The following MYO9A variants were observed in gnomAD, a reference collection of about 807,000 sequenced individuals.
MYO9A encodes the protein unconventional myosin-IXa.
In MYO9A, 103 loss-of-function variants were observed where a neutral mutation model predicts 293.3. The observed-to-expected ratio is 0.35, with a 90% CI of 0.30 to 0.41. MYO9A has a LOEUF of 0.41. Ranked by LOEUF, MYO9A falls within the 10% of genes least tolerant of loss-of-function variation. The pLI, the probability that MYO9A is intolerant of heterozygous loss-of-function variation, is 1.00. For synonymous variants in MYO9A, 1,001 were observed against 1,035.7 expected, an observed-to-expected ratio of 0.97 and a Z score of 0.64; for missense variants, 2,685 against 3,033.0, an observed-to-expected ratio of 0.89 and a Z score of 2.69.
chr15:71,975,431 G>T (rs2076117789), intron 12 of MYO9A, among the ~76,000 whole-genome samples: 4 of 149,282 alleles, frequency 2.7e-5, no homozygotes, highest in South Asian at 2.1e-4. Flanking sequence ...GTGTGTGTAG[G>T]TTTTCGTCCA....
At chr15:72,095,476 C>T (rs78540791) in intron 1 of MYO9A, among the ~76,000 whole-genome samples, 8,935 of 92,110 alleles carry the variant, frequency 0.097, 2,789 homozygotes, top group East Asian at 0.27. Flanking sequence ...GGAAAGAAGC[C>T]GCCTCCACAA....
chr15:71,838,973 G>C (rs545036379), intron 39 of MYO9A, among the ~76,000 whole-genome samples: 2 of 152,294 alleles, frequency 1.3e-5, no homozygotes, highest in East Asian at 1.9e-4. Flanking sequence ...TGTACAATGA[G>C]ATACTGGGAC....
intron 22 of MYO9A, 111 bp from the exon 23 acceptor site, chr15:71,901,451 G>A: frequency 9.0e-7 from 1 of 1,110,418 alleles, no homozygotes; most frequent in Middle Eastern, 2.3e-4. Context: ...CACAGTGGCA[G>A]GCATGTAAAT....
chr15:71,850,765 CAAAAAAAAAAAAAAAAAA>C (rs780727961), intron 37 of MYO9A, among the ~76,000 whole-genome samples: 73 of 44,126 alleles, frequency 1.7e-3, no homozygotes, highest in African/African-American at 5.2e-3. Flanking sequence ...AACTGTGTCT[CAAAAAAAAAAAAAAAAAA>C]AAAAAAAAAA....
At chr15:72,103,199 A>G (rs2080422626) in intron 1 of MYO9A, among the ~76,000 whole-genome samples, 1 of 141,484 alleles carries the variant, frequency 7.1e-6, no homozygotes, top group Non-Finnish European at 1.6e-5. Context: ...AAGTCTCAAG[A>G]AAAAAAAAAA....
intron 1 of MYO9A, among the ~76,000 whole-genome samples, chr15:72,097,933 T>A (rs936209693): frequency 1.3e-5 from 2 of 151,620 alleles, no homozygotes; most frequent in Non-Finnish European, 2.9e-5. Flanking sequence ...AAAATAAAAA[T>A]TTTTTTAAAA....
At chr15:71,864,175 GAA>G (rs2056244966) in intron 32 of MYO9A, among the ~76,000 whole-genome samples, 1 of 152,140 alleles carries the variant, frequency 6.6e-6, no homozygotes, top group African/African-American at 2.4e-5. Flanking sequence ...GCAAAATACT[GAA>G]GAGACAGCTC....
intron 1 of MYO9A, among the ~76,000 whole-genome samples, chr15:72,067,435 C>T (rs2079055132): frequency 1.3e-5 from 2 of 151,972 alleles, no homozygotes; most frequent in South Asian, 4.2e-4. Context: ...AGGTGCCTGC[C>T]CACACCTGGC....
At chr15:71,893,631 T>C in intron 26 of MYO9A, 48 bp downstream of exon 26, 1 of 1,423,088 alleles carries the variant, frequency 7.0e-7, no homozygotes, top group Non-Finnish European at 9.9e-7. Flanking sequence ...CAAAATAATG[T>C]ACATCTCTTT....
intron 10 of MYO9A, among the ~76,000 whole-genome samples, chr15:71,992,669 A>C (rs1338594361): frequency 2.0e-5 from 3 of 152,264 alleles, no homozygotes. Context: ...AAAAGGTGAC[A>C]TTTTTAATCA....
intron 1 of MYO9A, among the ~76,000 whole-genome samples, chr15:72,063,385 A>G (rs1197687649): frequency 1.3e-5 from 2 of 152,252 alleles, no homozygotes; most frequent in East Asian, 3.8e-4. Flanking sequence ...AACCAAAGCA[A>G]AAATGGACAA....
intron 11 of MYO9A, among the ~76,000 whole-genome samples, chr15:71,987,098 T>C (rs2148233556): frequency 6.6e-6 from 1 of 152,338 alleles, no homozygotes; most frequent in African/African-American, 2.4e-5. Flanking sequence ...GCCTACAATA[T>C]TCAGTGTAGC....
At chr15:72,036,933 A>C (rs896318261) in intron 2 of MYO9A, among the ~76,000 whole-genome samples, 2 of 151,840 alleles carry the variant, frequency 1.3e-5, no homozygotes, top group East Asian at 1.9e-4. Context: ...GGATCTCCCT[A>C]TGTTGTCCAG....
chr15:72,099,925 A>AC (rs2080215112), intron 1 of MYO9A, among the ~76,000 whole-genome samples: 1 of 150,916 alleles, frequency 6.6e-6, no homozygotes, highest in African/African-American at 2.4e-5. Context: ...AAAAAAAAAA[A>AC]AAAAAAAAGC....
At chr15:71,861,790 T>C (rs1349219398) in intron 33 of MYO9A, among the ~76,000 whole-genome samples, 3 of 151,682 alleles carry the variant, frequency 2.0e-5, no homozygotes, top group Non-Finnish European at 2.9e-5. Context: ...TTTTGGGTGG[T>C]AATAAGTTCT....
chr15:72,002,988 G>A (rs2076910517), intron 8 of MYO9A, among the ~76,000 whole-genome samples: 1 of 152,156 alleles, frequency 6.6e-6, no homozygotes, highest in African/African-American at 2.4e-5. Flanking sequence ...CATGAAAGAT[G>A]GCTGGGCACA....
intron 18 of MYO9A, among the ~76,000 whole-genome samples, chr15:71,921,406 T>C (rs58231877): frequency 0.011 from 1,719 of 152,296 alleles, 31 homozygotes; most frequent in African/African-American, 0.039. Context: ...CTCCCTGTAA[T>C]AACAAGGATC....
rs142104560 is a variant in MYO9A at position 72,056,089 on chromosome 15, A to C, written c.-71-9455T>G. ...ATAAAAATGTAAAAATTAGCTGGGC[A>C]TGGTGGCACGGGCCTGTAGCCCCAA... On this transcript the variant is annotated intron_variant, in intron 1 of 41. Coordinates refer to ENST00000356056, the MANE Select transcript of MYO9A (RefSeq NM_006901.4). 4.6e-5 allele frequency among the ~76,000 whole-genome samples: 7 copies of C among 152,266 alleles called. No individual in the cohort carries two copies. In the East Asian group the frequency reaches 5.8e-4, roughly 13 times the overall value.
In MYO9A at chr15:71,935,352, A is replaced by G. The variant is rs754055502; in HGVS notation, c.2511T>C (p.His837=). 3.7e-6 allele frequency: 6 copies of G among 1,613,344 alleles called. No homozygotes were observed. The highest frequency in any genetic ancestry group is 3.3e-4 in the Middle Eastern group (2 of 6,056). The change falls in exon 17 of 42, where the codon CAT becomes CAC. Residue 837 remains histidine, a synonymous_variant. Coordinates refer to ENST00000356056, the MANE Select transcript of MYO9A (RefSeq NM_006901.4). ...STSSKLLERA[H]GILTRNKNFK... is the part of the protein sequence containing the mutation. ...TGATTAGTACTGACGTGAGAATTCC[A>G]TGGGCTCTCTCCAGGAGTTTGCTGC...
Sources: allele counts gnomAD v4.1 joint callset (sites outside exome capture counted in the v4.1 genomes callset), GRCh38; gene constraint gnomAD v4.1.1; transcripts MANE v1.5; gene names NCBI Gene and HGNC (gene_info 2026-07-23, HGNC 2026-07-21).